SYT13: variants seen among roughly 807,000 people sequenced by gnomAD.
SYT13 encodes the protein synaptotagmin-13.
A neutral mutation model predicts 38.6 loss-of-function variants in SYT13; 21 were observed. The observed-to-expected ratio is 0.54, with a 90% CI of 0.39 to 0.78. The LOEUF is 0.78. Among genes scored for constraint, SYT13 ranks in the 30% least tolerant of loss-of-function variants. The pLI is 0.00. For missense variants in SYT13, 495 were observed against 548.7 expected (o/e 0.90, Z 0.98); for synonymous variants, 241 against 237.6 (o/e 1.01, Z -0.13).
intron 1 of SYT13, among the ~76,000 whole-genome samples, chr11:45,272,368 A>G (rs1854959969): frequency 6.6e-6 from 1 of 152,234 alleles, no homozygotes; most frequent in African/African-American, 2.4e-5. Flanking sequence ...GAAAGAAAAA[A>G]GCAGAACCCC....
intron 1 of SYT13, among the ~76,000 whole-genome samples, chr11:45,278,667 A>C (rs1855036862): frequency 6.6e-6 from 1 of 152,190 alleles, no homozygotes; most frequent in Non-Finnish European, 1.5e-5. Context: ...CAATTCCATG[A>C]AGAGAAGAGC....
chr11:45,254,107 G>T, intron 3 of SYT13, 163 bp downstream of exon 3: 1 of 720,656 alleles, frequency 1.4e-6, no homozygotes, highest in Non-Finnish European at 2.0e-6. Context: ...GGGGTTGGGA[G>T]TGTGGGAAAT....
At chr11:45,280,823 C>T (rs1040900913) in intron 1 of SYT13, among the ~76,000 whole-genome samples, 5 of 152,232 alleles carry the variant, frequency 3.3e-5, no homozygotes, top group African/African-American at 1.2e-4. Flanking sequence ...CCATACCAGA[C>T]ATTGTCAAGA....
intron 1 of SYT13, among the ~76,000 whole-genome samples, chr11:45,263,389 C>T (rs1296111562): frequency 6.6e-6 from 1 of 152,148 alleles, no homozygotes; most frequent in East Asian, 1.9e-4. Flanking sequence ...TAATTTTTCA[C>T]CTTAGGGCTG....
intron 1 of SYT13, among the ~76,000 whole-genome samples, chr11:45,257,667 C>T (rs1164523367): frequency 6.6e-6 from 1 of 152,218 alleles, no homozygotes; most frequent in Admixed American, 6.5e-5. Context: ...CAGGATGAAT[C>T]CTGGACATTC....
intron 1 of SYT13, among the ~76,000 whole-genome samples, chr11:45,272,221 C>T (rs879529690): frequency 3.7e-4 from 57 of 152,086 alleles, no homozygotes; most frequent in Non-Finnish European, 6.0e-4. Context: ...GGAGGGATAG[C>T]ATTAGGAGAA....
At chr11:45,286,000 G>A (rs766658546) in intron 1 of SYT13, 25 bp downstream of exon 1, 2 of 1,595,892 alleles carry the variant, frequency 1.3e-6, no homozygotes, top group Admixed American at 3.4e-5. Flanking sequence ...TGCCCGGGAA[G>A]GGCCTGCGCG....
chr11:45,263,971 C>A (rs1854850615), intron 1 of SYT13, among the ~76,000 whole-genome samples: 1 of 152,142 alleles, frequency 6.6e-6, no homozygotes, highest in South Asian at 2.1e-4. Context: ...CCCAGCCAAC[C>A]CTCGACAAAT....
chr11:45,248,860 A>T (rs953186472), intron 4 of SYT13, among the ~76,000 whole-genome samples: 1 of 152,200 alleles, frequency 6.6e-6, no homozygotes, highest in African/African-American at 2.4e-5. Context: ...GCTGCACCAT[A>T]GCCAGACAAT....
At chr11:45,269,036 A>G (rs1292542321) in intron 1 of SYT13, among the ~76,000 whole-genome samples, 1 of 152,108 alleles carries the variant, frequency 6.6e-6, no homozygotes, top group Non-Finnish European at 1.5e-5. Context: ...AAGCAAACCA[A>G]GCTTTACCTG....
At position 45,252,249 on chromosome 11, in the gene SYT13, G is replaced by A. The variant is rs965748896; in HGVS notation, c.846+172C>T. On this transcript the variant is annotated intron_variant, in intron 4 of 5. Coordinates refer to ENST00000020926, the MANE Select transcript of SYT13 (RefSeq NM_020826.3). The surrounding 1 kb of genome is among the most constrained non-coding windows in gnomAD (Gnocchi z 4.3). Reference sequence around the variant, plus strand: ...CTAGGAATCCCAGATCCTGGGCTATGGGTCTCCTCTAGCCCTCTGCCCCAT... The same window carrying A: ...CTAGGAATCCCAGATCCTGGGCTATAGGTCTCCTCTAGCCCTCTGCCCCAT... Among the ~76,000 whole-genome samples, 1 of 152,180 alleles carries A rather than the reference G, an allele frequency of 6.6e-6. No homozygotes were observed. Among genetic ancestry groups the A allele is most frequent in the Non-Finnish European group, 1.5e-5 (1 of 68,024 alleles).
intron 2 of SYT13, among the ~76,000 whole-genome samples, chr11:45,255,325 C>G (rs1361834225): frequency 1.3e-5 from 2 of 152,144 alleles, no homozygotes; most frequent in Admixed American, 1.3e-4. Context: ...ATGACCCATG[C>G]CACACAATAA....
intron 1 of SYT13, among the ~76,000 whole-genome samples, chr11:45,260,517 T>A (rs1239513113): frequency 6.6e-6 from 1 of 152,054 alleles, no homozygotes; most frequent in Non-Finnish European, 1.5e-5. Context: ...AGCAGGGCCC[T>A]AGAGAGAGAC....
At chr11:45,283,769 A>G (rs1166017606) in intron 1 of SYT13, among the ~76,000 whole-genome samples, 1 of 152,276 alleles carries the variant, frequency 6.6e-6, no homozygotes, top group African/African-American at 2.4e-5. Flanking sequence ...TGCATGCACC[A>G]GTATTTGAAG....
chr11:45,276,955 C>A (rs1255925287), intron 1 of SYT13, among the ~76,000 whole-genome samples: 1 of 152,138 alleles, frequency 6.6e-6, no homozygotes, highest in Non-Finnish European at 1.5e-5. Flanking sequence ...CAGGAATGTA[C>A]TTAGCAGTAC....
At chr11:45,284,822 A>G (rs1351939153) in intron 1 of SYT13, among the ~76,000 whole-genome samples, 25 of 152,284 alleles carry the variant, frequency 1.6e-4, no homozygotes, top group Admixed American at 1.6e-3. Flanking sequence ...AGATCGTCCC[A>G]AGTCCCACAT....
At chr11:45,278,015 A>G (rs879627710) in intron 1 of SYT13, among the ~76,000 whole-genome samples, 4 of 152,194 alleles carry the variant, frequency 2.6e-5, no homozygotes, top group Admixed American at 6.5e-5. Context: ...CAGTTATTCA[A>G]TAAACACAAC....
intron 1 of SYT13, among the ~76,000 whole-genome samples, chr11:45,283,441 G>A (rs1855097477): frequency 6.6e-6 from 1 of 152,154 alleles, no homozygotes; most frequent in African/African-American, 2.4e-5. Flanking sequence ...TTGTCAATAG[G>A]TGCCATGTAC....
intron 1 of SYT13, among the ~76,000 whole-genome samples, chr11:45,264,585 C>T (rs1015127174): frequency 1.3e-5 from 2 of 152,088 alleles, no homozygotes; most frequent in African/African-American, 2.4e-5. Flanking sequence ...GAGCACAGCC[C>T]CAGAGGACAC....
Sources: gnomAD v4.1 joint callset for allele counts (sites outside exome capture counted in the v4.1 genomes callset) on GRCh38, gnomAD v4.1.1 for gene constraint, Gnocchi (gnomAD v3.1) non-coding constraint, MANE v1.5 for transcripts, NCBI Gene and HGNC (gene_info 2026-07-23, HGNC 2026-07-21) for gene names.